Variants in SEPTIN4 observed in about 807,000 individuals in gnomAD.
SEPTIN4 encodes the protein septin 4, also known as septin-4.
Under a neutral mutation model 107.1 loss-of-function variants are expected in SEPTIN4, and 52 were observed. The observed-to-expected ratio is 0.49, with a 90% CI of 0.39 to 0.61. SEPTIN4 has a LOEUF of 0.61. Among genes scored for constraint, SEPTIN4 ranks in the 20% least tolerant of loss-of-function variants. SEPTIN4 has a pLI of 0.00. For synonymous variants in SEPTIN4, 417 were observed against 467.0 expected (o/e 0.89, Z 1.38); for missense variants, 1,048 against 1,243.5 (o/e 0.84, Z 2.36).
At position 58,521,360 on chromosome 17, in the gene SEPTIN4, G is replaced by A. The variant is rs776661860; in HGVS notation, c.2572-10C>T. On this transcript the variant is annotated splice_polypyrimidine_tract_variant and intron_variant, in intron 10 of 13. Coordinates refer to ENST00000672673, the MANE Select transcript of SEPTIN4 (RefSeq NM_001368771.2). The surrounding 1 kb of genome is among the most constrained non-coding windows in gnomAD (Gnocchi z 6.4). Reference sequence around the variant, plus strand: ...CAAATGGGATGCTTTCCTGGAAGAGGTTAGGGGTGCCTGTCAGCACCCTCT... The same window carrying A: ...CAAATGGGATGCTTTCCTGGAAGAGATTAGGGGTGCCTGTCAGCACCCTCT... 39 of 1,613,298 alleles carry A rather than the reference G, an allele frequency of 2.4e-5. No individual in the cohort carries two copies. In the South Asian group the frequency reaches 2.6e-4, roughly 11 times the overall value.
At chr17:58,529,133 C>T (rs774757631) in intron 3 of SEPTIN4, 1 of 1,614,216 alleles carries the variant, frequency 6.2e-7, no homozygotes, top group Non-Finnish European at 8.5e-7. Context: ...CAGTCCTGTC[C>T]TCAGGGACAG....
Position 58,521,088 on chromosome 17 carries a change from T to C in SEPTIN4, c.2741A>G (p.Lys914Arg). 6.2e-7 allele frequency: 1 copy of C among 1,614,166 alleles called. No homozygotes were observed. The highest frequency in any genetic ancestry group is 1.1e-5 in the South Asian group (1 of 91,072). The change falls in exon 12 of 14, where the codon AAG (lysine) becomes AGG (arginine). Residue 914 changes from lysine (K) to arginine (R), a missense_variant. Coordinates refer to ENST00000672673, the MANE Select transcript of SEPTIN4 (RefSeq NM_001368771.2). This position sits in a 1 kb window ranked among gnomAD's most constrained non-coding sequence, Gnocchi z 6.4. The part of the protein sequence containing the change: ...MLVRTHMQDL[K>R]DVTRETHYEN... ...ATAATGTGTCTCCCGTGTCACATCCTTCAGGTCCTGCATGTGGGTACGTAC... is the reference window on the plus strand; with the variant it reads ...ATAATGTGTCTCCCGTGTCACATCCCTCAGGTCCTGCATGTGGGTACGTAC...
intron 3 of SEPTIN4, chr17:58,539,186 T>G: frequency 6.5e-7 from 1 of 1,534,118 alleles, no homozygotes; most frequent in Non-Finnish European, 8.7e-7. Flanking sequence ...GGAGCAGCTC[T>G]GCTGCTGAAC....
At chr17:58,527,066 GA>G (rs904170483) in intron 3 of SEPTIN4, 88 bp from the exon 4 acceptor site, 13 of 1,600,130 alleles carry the variant, frequency 8.1e-6, no homozygotes, top group Non-Finnish European at 1.1e-5. Context: ...GAAGACAGGA[GA>G]AGGCAAGAGG....
At chr17:58,525,463 G>A (rs2042746579) in intron 6 of SEPTIN4, 1 of 609,028 alleles carries the variant, frequency 1.6e-6, no homozygotes, top group Non-Finnish European at 2.9e-6. Flanking sequence ...AATCCTTGGG[G>A]GTCAGAGACT....
chr17:58,525,948 G>A lies in SEPTIN4; in HGVS notation c.2006-167C>T, dbSNP rs571636846. ...GGGAGGAAGCACAGAGATTGGCTTG[G>A]GGGAGCAAGAGATTGCCCAGGGTCA... On this transcript the variant is annotated intron_variant, in intron 5 of 13. Coordinates refer to ENST00000672673, the MANE Select transcript of SEPTIN4 (RefSeq NM_001368771.2). 11 of 869,446 alleles carry A rather than the reference G, an allele frequency of 1.3e-5. No homozygotes were observed. The African/African-American group carries it at 1.5e-4, about 12-fold the overall frequency. The allele number at this position is 869,446 out of a possible 1,614,324, so 53.9% of individuals were successfully genotyped here.
chr17:58,526,116 C>T (rs2042836322), intron 5 of SEPTIN4, 104 bp downstream of exon 5: 7 of 1,272,142 alleles, frequency 5.5e-6, no homozygotes, highest in South Asian at 3.3e-5. Flanking sequence ...TACAGCCACT[C>T]GCTGCTTGCT....
chr17:58,520,695 G>A (rs913179390), intron 13 of SEPTIN4, 48 bp downstream of exon 13: 6 of 1,607,044 alleles, frequency 3.7e-6, no homozygotes, highest in East Asian at 2.2e-5. Context: ...AGATACCAAC[G>A]TTGGTGATCA....
In SEPTIN4 at chr17:58,532,147, G is replaced by T. The variant is rs1458392870; in HGVS notation, c.1615-5169C>A. The T allele has an allele frequency of 7.8e-6, 8 of 1,031,420 alleles. No individual in the cohort carries two copies. The East Asian group carries it at 4.5e-4, about 58-fold the overall frequency. The allele number at this position is 1,031,420 out of a possible 1,614,324, so 63.9% of individuals were successfully genotyped here. Reference sequence around the variant, plus strand: ...CCGGGGCGGGGCCTGTACCTCAGCTGCTAGCGGTGCCGGCGCGAAGTGGGT... The same window carrying T: ...CCGGGGCGGGGCCTGTACCTCAGCTTCTAGCGGTGCCGGCGCGAAGTGGGT... On this transcript the variant is annotated intron_variant, in intron 3 of 13. Transcript: ENST00000672673.
chr17:58,523,329 C>T (rs972271936), intron 7 of SEPTIN4, among the ~76,000 whole-genome samples: 5 of 148,138 alleles, frequency 3.4e-5, no homozygotes, highest in African/African-American at 7.6e-5. Context: ...TTGATCAGGC[C>T]ACTGCACTCT....
chr17:58,544,249 C>T lies in SEPTIN4; in HGVS notation c.-63G>A. On this transcript the variant is annotated 5_prime_UTR_variant, in exon 1 of 14. Transcript: ENST00000672673. Reference sequence around the variant, plus strand: ...TACTGGCTGGCTTGTATTCAGGATCCTAATGATGCCTGAATATTTACCCTG... The same window carrying T: ...TACTGGCTGGCTTGTATTCAGGATCTTAATGATGCCTGAATATTTACCCTG... 1 of 1,516,220 alleles carries T rather than the reference C, an allele frequency of 6.6e-7. No homozygotes were observed. Among genetic ancestry groups the T allele is most frequent in the Non-Finnish European group, 8.8e-7 (1 of 1,134,092 alleles). 93.9% of individuals were successfully genotyped at this position (1,516,220 alleles called of 1,614,324 possible). A position where few individuals can be genotyped will look rare whatever the true frequency, so the allele number is the denominator to read the frequency against.
chr17:58,526,972 G>C lies in SEPTIN4; in HGVS notation c.1621C>G (p.Arg541Gly). 6.2e-7 allele frequency: 1 copy of C among 1,614,066 alleles called. No homozygotes were observed. The highest frequency in any genetic ancestry group is 1.1e-5 in the South Asian group (1 of 91,064). Residue 541 changes from arginine to glycine, a missense_variant, in exon 4 of 14, where the codon CGT (arginine) becomes GGT (glycine). By Grantham distance (125) the Arg-to-Gly change is moderately radical (BLOSUM62 -2). Coordinates refer to ENST00000672673, the MANE Select transcript of SEPTIN4 (RefSeq NM_001368771.2). ...TCATCCGTGGTGTCCTCCAGGAAAC[G>C]CTTGATCTGGGGGAAGCGGGGTGGG... Reference protein sequence around the residue: ...IWWLKDEEIKRFLEDTTDDGE... With the variant: ...IWWLKDEEIKGFLEDTTDDGE...
At chr17:58,524,525 T>C (rs966077714) in intron 7 of SEPTIN4, 1 of 152,520 alleles carries the variant, frequency 6.6e-6, no homozygotes, top group African/African-American at 2.4e-5. Context: ...TGCTACATGT[T>C]TTCACACTTC....
Position 58,521,179 on chromosome 17 carries a change from G to C in SEPTIN4, c.2669-19C>G. 1 of 1,614,168 alleles carries C rather than the reference G, an allele frequency of 6.2e-7. No homozygotes were observed. The highest frequency in any genetic ancestry group is 8.5e-7 in the Non-Finnish European group (1 of 1,180,010). ...TTTTCCACTGCATAGCAAGGCTAGG[G>C]GTCAGCCAGAGGCATAGGTAGGGGA... On this transcript the variant is annotated intron_variant, in intron 11 of 13. Transcript: ENST00000672673. This position sits in a 1 kb window ranked among gnomAD's most constrained non-coding sequence, Gnocchi z 6.4.
intron 3 of SEPTIN4, 177 bp from the exon 4 acceptor site, chr17:58,527,155 C>A: frequency 9.2e-7 from 1 of 1,092,832 alleles, no homozygotes; most frequent in Non-Finnish European, 1.4e-6. Context: ...CCCTCCCTCA[C>A]CTGCTCACAA....
In SEPTIN4 at chr17:58,521,076, C is replaced by T. The variant is rs758504585; in HGVS notation, c.2753G>A (p.Arg918Gln). The T allele has an allele frequency of 1.1e-5, 18 of 1,614,140 alleles. No individual in the cohort carries two copies. Among genetic ancestry groups the T allele is most frequent in the Admixed American group, 8.3e-5 (5 of 60,016 alleles). Residue 918 changes from arginine (R) to glutamine (Q), a missense_variant, in exon 12 of 14, where the codon CGG (arginine) becomes CAG (glutamine). Physicochemically the swap from Arg to Gln is conservative, Grantham distance 43 (BLOSUM62 1). Around this residue, in one of 2 missense-constraint regions of SEPTIN4, gnomAD observed 261 missense variants for 371.7 expected, o/e 0.70. Coordinates refer to ENST00000672673, the MANE Select transcript of SEPTIN4 (RefSeq NM_001368771.2). This position sits in a 1 kb window ranked among gnomAD's most constrained non-coding sequence, Gnocchi z 6.4. ...THMQDLKDVT[R>Q]ETHYENYRAQ... ...CCGGTAGTTCTCATAATGTGTCTCC[C>T]GTGTCACATCCTTCAGGTCCTGCAT...
intron 1 of SEPTIN4, 91 bp from the exon 2 acceptor site, chr17:58,542,057 A>G (rs2043893521): frequency 3.4e-6 from 5 of 1,457,028 alleles, no homozygotes; most frequent in South Asian, 1.2e-5. Context: ...CTAGCTCCAC[A>G]TTTCTCCACT....
chr17:58,543,001 G>A lies in SEPTIN4; in HGVS notation c.1186C>T (p.Leu396Phe). The change falls in exon 1 of 14, where the codon CTC becomes TTC. Residue 396 changes from leucine to phenylalanine, a missense_variant. Leu to Phe is a conservative substitution (Grantham distance 22). This residue lies in a region of SEPTIN4 where 787 missense variants were observed against 871.8 expected (regional missense o/e 0.90). Coordinates refer to ENST00000672673, the MANE Select transcript of SEPTIN4 (RefSeq NM_001368771.2). ...GCATGGATGGAGGGCTTTTGCGAGA[G>A]TTCTGGATACCTGGGTGTAGGTCCT... ...SQGPTPRYPE[L>F]SQKPSIHAEL... 1 of 1,612,478 alleles carries A rather than the reference G, an allele frequency of 6.2e-7. No homozygotes were observed. The highest frequency in any genetic ancestry group is 1.1e-5 in the South Asian group (1 of 90,852).
chr17:58,527,975 C>T, intron 3 of SEPTIN4: 1 of 985,722 alleles, frequency 1.0e-6, no homozygotes, highest in East Asian at 1.1e-4. Flanking sequence ...CCCCAACTCT[C>T]ATTGTCAGCT....
Sources: gnomAD v4.1 joint callset for allele counts (sites outside exome capture counted in the v4.1 genomes callset) on GRCh38, gnomAD v4.1.1 for gene constraint, gnomAD v4.1.1 regional missense constraint, Gnocchi (gnomAD v3.1) non-coding constraint, MANE v1.5 for transcripts, NCBI Gene and HGNC (gene_info 2026-07-23, HGNC 2026-07-21) for gene names.